The following TEP1 variants were observed in gnomAD, a reference collection of about 807,000 sequenced individuals.
TEP1 encodes telomerase protein component 1.
TEP1 carries 241 observed loss-of-function variants against 306.3 expected under a neutral mutation model. The ratio of observed to expected loss-of-function variants is 0.79; its 90% CI spans 0.71 to 0.88. TEP1 has a LOEUF of 0.88. Ranked by LOEUF, TEP1 falls within the 40% of genes least tolerant of loss-of-function variation. The pLI is 0.00. For missense variants in TEP1, 3,051 were observed against 3,276.1 expected (o/e 0.93, Z 1.68); for synonymous variants, 1,289 against 1,305.5 (o/e 0.99, Z 0.27).
chr14:20,408,079 T>C lies in TEP1; in HGVS notation c.361A>G (p.Thr121Ala). 1 of 1,614,140 alleles carries C rather than the reference T, an allele frequency of 6.2e-7. No homozygotes were observed. The highest frequency in any genetic ancestry group is 1.1e-5 in the South Asian group (1 of 91,078). ...CLATLSSLKS[T>A]VSASPLFQSL... Reference sequence around the variant, plus strand: ...TGGAACAAGGGGCTGGCAGACACAGTGCTCTTTAGACTAGAGAGGGTGGCC... The same window carrying C: ...TGGAACAAGGGGCTGGCAGACACAGCGCTCTTTAGACTAGAGAGGGTGGCC... Residue 121 changes from threonine to alanine, a missense_variant, in exon 2 of 55, where the codon ACT (threonine) becomes GCT (alanine). Thr to Ala is a moderately conservative substitution (Grantham distance 58). Around this residue, in one of 3 missense-constraint regions of TEP1, gnomAD observed 1,507 missense variants for 1,550.5 expected, o/e 0.97. Coordinates refer to ENST00000262715, the MANE Select transcript of TEP1 (RefSeq NM_007110.5).
rs1221841026 is a variant in TEP1, at chr14:20,381,881, G to A, written c.4424+32C>T. On this transcript the variant is annotated intron_variant, in intron 30 of 54. Transcript: ENST00000262715. This position sits in a 1 kb window ranked among gnomAD's most constrained non-coding sequence, Gnocchi z 4.0. ...GCTCAAAGAAGGGAAGGCACAGAGA[G>A]GTCAGCGGGAGCTCTGCTGGGGCAC... 9 of 1,610,696 alleles carry A rather than the reference G, an allele frequency of 5.6e-6. No homozygotes were observed. Among genetic ancestry groups the A allele is most frequent in the Non-Finnish European group, 5.9e-6 (7 of 1,178,350 alleles).
chr14:20,371,775 G>GT, intron 49 of TEP1, 143 bp from the exon 50 acceptor site: 2 of 1,070,550 alleles, frequency 1.9e-6, no homozygotes, highest in Non-Finnish European at 2.6e-6. Flanking sequence ...CCACTTTCTG[G>GT]TTTTTGTTTT....
chr14:20,379,367 T>C (rs193276517), intron 35 of TEP1, among the ~76,000 whole-genome samples: 1 of 152,210 alleles, frequency 6.6e-6, no homozygotes, highest in African/African-American at 2.4e-5. Context: ...TTACATGGGG[T>C]AGGGGATGAC....
At position 20,408,174 on chromosome 14, in the gene TEP1, T is replaced by C. The variant is rs921078901; in HGVS notation, c.266A>G (p.Lys89Arg). 6.2e-7 allele frequency: 1 copy of C among 1,612,144 alleles called. No individual in the cohort carries two copies. Among genetic ancestry groups the C allele is most frequent in the South Asian group, 1.1e-5 (1 of 90,942 alleles). ...ATGTCCATGTGGTTTCTCCATGGTC[T>C]TCAGGTCAGAAAGTGTGGCCAGGCA... ...NQCLATLSDLKTMEKPHGHVS... is the reference protein window; with the variant it reads ...NQCLATLSDLRTMEKPHGHVS... Residue 89 changes from lysine (K) to arginine (R), a missense_variant, in exon 2 of 55, where the codon AAG becomes AGG. Transcript: ENST00000262715.
At chr14:20,408,847 C>A (rs903599886) in intron 1 of TEP1, among the ~76,000 whole-genome samples, 17 of 149,218 alleles carry the variant, frequency 1.1e-4, no homozygotes, top group Admixed American at 2.0e-4. Flanking sequence ...AAAAAAACAA[C>A]AAAAAGGAAT....
rs761675754 is a variant in TEP1, at chr14:20,389,687, C to A, written c.2388G>T (p.Val796=). ...CACGCTGCCAGTAAAGCTGTTTGGC[C>A]ACATTTATCATTCCATCATCCATGC... ...GQSMDDGMIN[V]AKQLYWQRVN... is the part of the protein sequence containing the mutation. Residue 796 remains valine, a synonymous_variant, in exon 16 of 55, where the codon GTG becomes GTT. Coordinates refer to ENST00000262715, the MANE Select transcript of TEP1 (RefSeq NM_007110.5). The A allele has an allele frequency of 6.2e-7, 1 of 1,614,206 alleles. No individual in the cohort carries two copies. The highest frequency in any genetic ancestry group is 8.5e-7 in the Non-Finnish European group (1 of 1,180,038).
At chr14:20,391,466 G>T in intron 13 of TEP1, 133 bp downstream of exon 13, 1 of 1,101,796 alleles carries the variant, frequency 9.1e-7, no homozygotes, top group Non-Finnish European at 1.3e-6. Flanking sequence ...ACTGATACTT[G>T]GAAGCAAATT....
chr14:20,387,759 A>C, intron 18 of TEP1, 146 bp downstream of exon 18: 5 of 963,486 alleles, frequency 5.2e-6, no homozygotes, highest in South Asian at 2.0e-5. Flanking sequence ...TCCCTGTGGT[A>C]GAGAAACCTC....
chr14:20,404,815 C>T, intron 4 of TEP1, 43 bp from the exon 5 acceptor site: 2 of 1,554,762 alleles, frequency 1.3e-6, no homozygotes, highest in Non-Finnish European at 1.7e-6. Flanking sequence ...GTCACTCCTC[C>T]CGTAGCTTTC....
intron 33 of TEP1, 57 bp downstream of exon 33, chr14:20,380,874 A>G: frequency 6.9e-7 from 1 of 1,446,932 alleles, no homozygotes; most frequent in African/African-American, 1.4e-5. Flanking sequence ...GGGCCCCCAT[A>G]AGCACACCCA....
chr14:20,398,183 T>A (rs1229250443), intron 9 of TEP1, among the ~76,000 whole-genome samples: 1 of 151,756 alleles, frequency 6.6e-6, no homozygotes, highest in Non-Finnish European at 1.5e-5. Flanking sequence ...ATCAAGACCA[T>A]CCTCGCTAAC....
intron 43 of TEP1, among the ~76,000 whole-genome samples, chr14:20,375,024 G>T (rs893008740): frequency 2.0e-5 from 3 of 151,196 alleles, no homozygotes; most frequent in African/African-American, 7.3e-5. Flanking sequence ...CTGGGAGGTG[G>T]AGATTGCAGT....
Position 20,387,551 on chromosome 14 carries a change from C to CAAAA in TEP1, c.2684+350_2684+353dup, listed in dbSNP as rs34816712. 2.5e-4 allele frequency among the ~76,000 whole-genome samples: 32 copies of CAAAA among 127,706 alleles called. 1 individual carries two copies. Among genetic ancestry groups the CAAAA allele is most frequent in the African/African-American group, 5.3e-4 (18 of 33,888 alleles). 83.8% of individuals were successfully genotyped at this position (127,706 alleles called of 152,430 possible). On this transcript the variant is annotated intron_variant, in intron 18 of 54. Transcript: ENST00000262715. The stretch of plus-strand genomic sequence containing the variant: ...TGGGCGACACAGCGAGACTCCGTCT[C>CAAAA]AAAAAAAAAAAGAAATTAAGCAACT...
In TEP1 at chr14:20,378,046, A is replaced by G. The variant is rs778699655; in HGVS notation, c.5699T>C (p.Leu1900Pro). ...GACCTTGCCATCCTCTCCAGCCGTCAGTAACTGGCAACCCGCATGCAGGAA... is the reference window on the plus strand; with the variant it reads ...GACCTTGCCATCCTCTCCAGCCGTCGGTAACTGGCAACCCGCATGCAGGAA... ...ALFLHAGCQL[L>P]TAGEDGKVQV... The change falls in exon 39 of 55, where the codon CTG (leucine) becomes CCG (proline). Residue 1900 changes from leucine (L) to proline (P), a missense_variant. Leu to Pro is a moderately conservative substitution (Grantham distance 98). Around this residue, in one of 3 missense-constraint regions of TEP1, gnomAD observed 1,540 missense variants for 1,705.9 expected, o/e 0.90. Coordinates refer to ENST00000262715, the MANE Select transcript of TEP1 (RefSeq NM_007110.5). 11 of 1,613,394 alleles carry G rather than the reference A, an allele frequency of 6.8e-6. No homozygotes were observed. Among genetic ancestry groups the G allele is most frequent in the Non-Finnish European group, 8.5e-6 (10 of 1,179,986 alleles).
chr14:20,396,718 A>ATGTGGG lies in TEP1; in HGVS notation c.1561_1562insCCCACA (p.Leu521delinsProHisIle). 1 of 1,606,774 alleles carries ATGTGGG rather than the reference A, an allele frequency of 6.2e-7. No individual in the cohort carries two copies. The highest frequency in any genetic ancestry group is 8.5e-7 in the Non-Finnish European group (1 of 1,174,708). On this transcript the variant is annotated protein_altering_variant, in exon 10 of 55. Transcript: ENST00000262715. ...GTTCCGAAGCATGGCCATGAAGGGAAGCTTCCCATTTTCTGTGGAATGTGG... is the reference window on the plus strand; with the variant it reads ...GTTCCGAAGCATGGCCATGAAGGGAATGTGGGGCTTCCCATTTTCTGTGGAATGTGG...
intron 12 of TEP1, among the ~76,000 whole-genome samples, chr14:20,393,166 G>T (rs553837694): frequency 1.3e-5 from 2 of 151,552 alleles, no homozygotes; most frequent in Non-Finnish European, 2.9e-5. Context: ...GCAGTGAGCC[G>T]AGATTGTGCC....
At chr14:20,376,553 C>T (rs1394524625) in intron 41 of TEP1, among the ~76,000 whole-genome samples, 1 of 152,258 alleles carries the variant, frequency 6.6e-6, no homozygotes, top group East Asian at 1.9e-4. Flanking sequence ...ACAGCAGCTG[C>T]TCCAGACCCC....
rs1878912038 is a variant in TEP1, at chr14:20,403,376, C to A, written c.1266+1G>T. On this transcript the variant is annotated splice_donor_variant, in intron 7 of 54. Transcript: ENST00000262715. LOFTEE classifies it high-confidence loss of function. ...ATACAACCCCAGAAGAAGGGACTCA[C>A]CTTTCTCTGCTCTTCTCTGAGAAAC... 1 of 1,613,958 alleles carries A rather than the reference C, an allele frequency of 6.2e-7. No individual in the cohort carries two copies. The highest frequency in any genetic ancestry group is 8.5e-7 in the Non-Finnish European group (1 of 1,180,016).
At chr14:20,407,219 AG>A (rs1346683242) in intron 2 of TEP1, among the ~76,000 whole-genome samples, 3 of 152,244 alleles carry the variant, frequency 2.0e-5, no homozygotes, top group African/African-American at 7.2e-5. Flanking sequence ...AGGCCCTGAT[AG>A]GGCTGTTGGA....
Sources: allele counts gnomAD v4.1 joint callset (sites outside exome capture counted in the v4.1 genomes callset), GRCh38; gene constraint gnomAD v4.1.1; regional missense constraint gnomAD v4.1.1; non-coding constraint Gnocchi (gnomAD v3.1); transcripts MANE v1.5; gene names NCBI Gene and HGNC (gene_info 2026-07-23, HGNC 2026-07-21).